The following LINGO2 variants were observed in gnomAD, a reference collection of about 807,000 sequenced individuals.
LINGO2 encodes the protein leucine rich repeat and Ig domain containing 2.
Under a neutral mutation model 30.6 loss-of-function variants are expected in LINGO2, and 14 were observed. The observed-to-expected ratio is 0.46, with a 90% CI of 0.30 to 0.72. LINGO2 has a LOEUF of 0.72. Among genes scored for constraint, LINGO2 ranks in the 30% least tolerant of loss-of-function variants. LINGO2 has a pLI of 0.07. For missense variants in LINGO2, 729 were observed against 751.7 expected, an observed-to-expected ratio of 0.97 and a Z score of 0.35; for synonymous variants, 317 against 288.5, an observed-to-expected ratio of 1.10 and a Z score of -1.00.
At chr9:29,047,937 C>T in the LINGO2 span, among the ~76,000 whole-genome samples, 1 of 151,408 alleles carries the variant, frequency 6.6e-6, no homozygotes, top group Non-Finnish European at 1.5e-5. Flanking sequence ...AACCCTGTCT[C>T]CCAAAACAAC....
intron 2 of LINGO2, among the ~76,000 whole-genome samples, chr9:28,397,152 C>T (rs1341532176): frequency 6.6e-6 from 1 of 152,042 alleles, no homozygotes; most frequent in African/African-American, 2.4e-5. Flanking sequence ...AGAGTTCTAT[C>T]ACTTGGCATG....
At chr9:28,166,407 G>C (rs1447300963) in intron 4 of LINGO2, among the ~76,000 whole-genome samples, 1 of 152,120 alleles carries the variant, frequency 6.6e-6, no homozygotes, top group Non-Finnish European at 1.5e-5. Context: ...CATTTGTTAT[G>C]GTTAAATGAG....
chr9:28,106,980 C>A (rs1027407737), intron 4 of LINGO2, among the ~76,000 whole-genome samples: 1 of 152,116 alleles, frequency 6.6e-6, no homozygotes, highest in African/African-American at 2.4e-5. Flanking sequence ...ATGAAGTTTC[C>A]ATGGTGTTTC....
the LINGO2 span, among the ~76,000 whole-genome samples, chr9:28,796,012 A>G: frequency 3.3e-5 from 5 of 149,982 alleles, no homozygotes; most frequent in Non-Finnish European, 4.4e-5. Context: ...ACACACACAC[A>G]CACACAATTC....
At chr9:29,126,105 C>G in the LINGO2 span, among the ~76,000 whole-genome samples, 1 of 152,064 alleles carries the variant, frequency 6.6e-6, no homozygotes, top group African/African-American at 2.4e-5. Context: ...TAATCCCTCC[C>G]CTTCTCATCC....
chr9:29,067,371 A>C, the LINGO2 span, among the ~76,000 whole-genome samples: 1 of 151,798 alleles, frequency 6.6e-6, no homozygotes, highest in African/African-American at 2.4e-5. Context: ...GAAAAAAATT[A>C]AAAAGGACAT....
At chr9:28,720,771 T>C in the LINGO2 span, among the ~76,000 whole-genome samples, 1 of 152,092 alleles carries the variant, frequency 6.6e-6, no homozygotes, top group African/African-American at 2.4e-5. Flanking sequence ...GTGTGGTCCC[T>C]TCAATATAAC....
chr9:28,809,701 G>A, the LINGO2 span, among the ~76,000 whole-genome samples: 25 of 146,518 alleles, frequency 1.7e-4, no homozygotes, highest in African/African-American at 4.8e-4. Flanking sequence ...AGCCGAGATC[G>A]TGCCATTGTA....
chr9:28,394,574 A>T (rs1212974860), intron 2 of LINGO2, among the ~76,000 whole-genome samples: 1 of 152,204 alleles, frequency 6.6e-6, no homozygotes, highest in Non-Finnish European at 1.5e-5. Context: ...TCCTTTAGAT[A>T]AAAAGGTAGG....
At chr9:28,033,433 C>G (rs1372954105) in intron 4 of LINGO2, among the ~76,000 whole-genome samples, 2 of 152,144 alleles carry the variant, frequency 1.3e-5, no homozygotes, top group Non-Finnish European at 2.9e-5. Context: ...GCCTGCTGTT[C>G]TGCCCTACTG....
intron 4 of LINGO2, among the ~76,000 whole-genome samples, chr9:28,041,500 A>AG (rs1376046969): frequency 1.2e-4 from 18 of 152,274 alleles, no homozygotes; most frequent in African/African-American, 4.3e-4. Context: ...GTGCGTGTGT[A>AG]GTTAAGAGCT....
chr9:28,262,108 T>A (rs1822583465), intron 4 of LINGO2, among the ~76,000 whole-genome samples: 1 of 151,970 alleles, frequency 6.6e-6, no homozygotes, highest in African/African-American at 2.4e-5. Context: ...CTTTTAGGGT[T>A]ATGTAATCTT....
chr9:27,949,289 G>A (rs763029018), exon 6 of LINGO2: 7 of 1,613,888 alleles, frequency 4.3e-6, no homozygotes, highest in African/African-American at 2.7e-5. Context: ...CACCCAACAC[G>A]GTGGCTCTTC....
chr9:28,857,293 C>T, the LINGO2 span, among the ~76,000 whole-genome samples: 5 of 152,028 alleles, frequency 3.3e-5, no homozygotes, highest in African/African-American at 1.2e-4. Context: ...TCAAAAGCCA[C>T]GTTACAACAA....
At chr9:28,011,673 C>G (rs1822561548) in intron 5 of LINGO2, among the ~76,000 whole-genome samples, 1 of 152,144 alleles carries the variant, frequency 6.6e-6, no homozygotes, top group Admixed American at 6.6e-5. Context: ...TAGTTAGAAG[C>G]TTCATGACCA....
At chr9:28,224,231 AT>A (rs1821067779) in intron 4 of LINGO2, among the ~76,000 whole-genome samples, 2 of 151,852 alleles carry the variant, frequency 1.3e-5, no homozygotes, top group South Asian at 4.2e-4. Flanking sequence ...TGCCCAGTTA[AT>A]TTTTTCTATT....
At chr9:28,423,514 T>C (rs1042589535) in intron 2 of LINGO2, among the ~76,000 whole-genome samples, 2 of 152,110 alleles carry the variant, frequency 1.3e-5, no homozygotes, top group Non-Finnish European at 2.9e-5. Flanking sequence ...CTTTAAAAAT[T>C]AAATCAATTA....
At chr9:28,593,767 TGTGCTTTCACTTCCA>T (rs1825041788) in intron 1 of LINGO2, among the ~76,000 whole-genome samples, 2 of 152,224 alleles carry the variant, frequency 1.3e-5, no homozygotes, top group African/African-American at 4.8e-5. Context: ...ACCACTGCAA[TGTGCTTTCACTTCCA>T]GGTGCTGCAA....
chr9:29,099,255 C>T, the LINGO2 span, among the ~76,000 whole-genome samples: 1 of 152,114 alleles, frequency 6.6e-6, no homozygotes, highest in South Asian at 2.1e-4. Flanking sequence ...AGACTTAAAG[C>T]TAAGACTTCA....
Sources: allele counts gnomAD v4.1 joint callset (sites outside exome capture counted in the v4.1 genomes callset), GRCh38; gene constraint gnomAD v4.1.1; transcripts MANE v1.5; gene names NCBI Gene and HGNC (gene_info 2026-07-23, HGNC 2026-07-21).